The following SUSD6 variants were observed in gnomAD, a reference collection of about 807,000 sequenced individuals.
SUSD6 encodes the protein sushi domain containing 6.
SUSD6 carries 16 observed loss-of-function variants against 28.4 expected under a neutral mutation model. The observed-to-expected ratio is 0.56, with a 90% CI of 0.38 to 0.86. SUSD6 has a LOEUF of 0.86. Ranked by LOEUF, SUSD6 falls within the 40% of genes least tolerant of loss-of-function variation. The pLI is 0.00. For synonymous variants in SUSD6, 147 were observed against 159.6 expected (o/e 0.92, Z 0.59); for missense variants, 341 against 384.2 (o/e 0.89, Z 0.94).
chr14:69,644,133 G>A (rs1359139210), intron 1 of SUSD6, among the ~76,000 whole-genome samples: 2 of 152,118 alleles, frequency 1.3e-5, no homozygotes, highest in Admixed American at 6.6e-5. Flanking sequence ...TCTTAAGGGC[G>A]TATGCTTCCT....
intron 1 of SUSD6, chr14:69,617,073 A>C (rs890403168): frequency 2.0e-5 from 3 of 152,222 alleles, no homozygotes; most frequent in African/African-American, 7.2e-5. Flanking sequence ...TTCACTTAGC[A>C]TAATGTTTTT....
chr14:69,705,800 C>G (rs542682349), intron 4 of SUSD6, among the ~76,000 whole-genome samples: 1 of 152,222 alleles, frequency 6.6e-6, no homozygotes, highest in Non-Finnish European at 1.5e-5. Context: ...GCTTTAGCCA[C>G]AAGTTGTCTA....
chr14:69,620,389 A>G (rs1459785937), intron 1 of SUSD6, among the ~76,000 whole-genome samples: 3 of 152,232 alleles, frequency 2.0e-5, no homozygotes, highest in Non-Finnish European at 4.4e-5. Flanking sequence ...CAGAAACCAA[A>G]GGGAAGTAAG....
intron 2 of SUSD6, among the ~76,000 whole-genome samples, chr14:69,681,897 T>TTAAATACTG (rs1359056287): frequency 2.0e-5 from 3 of 152,194 alleles, no homozygotes; most frequent in Non-Finnish European, 4.4e-5. Context: ...GGTTACTGTG[T>TTAAATACTG]TAAATACTGT....
In SUSD6 at chr14:69,662,339, C is replaced by T. The variant is rs182728471; in HGVS notation, c.121+3626C>T. 7.2e-4 allele frequency among the ~76,000 whole-genome samples: 110 copies of T among 152,302 alleles called. 1 individual carries two copies. Among genetic ancestry groups the T allele is most frequent in the Admixed American group, 7.1e-3 (109 of 15,296 alleles). ...CCACAGTCATCATAATCTGTATCAT[C>T]TCATCATCAAATATCACAGTTTTGA... On this transcript the variant is annotated intron_variant, in intron 2 of 5. Transcript: ENST00000342745.
chr14:69,699,596 G>A (rs1010256756), intron 2 of SUSD6, among the ~76,000 whole-genome samples: 2 of 150,378 alleles, frequency 1.3e-5, no homozygotes, highest in African/African-American at 4.9e-5. Context: ...CTTTGAACCT[G>A]GAGCATCTTA....
chr14:69,616,623 CTGTT>C (rs949446444), intron 1 of SUSD6, among the ~76,000 whole-genome samples: 3 of 152,130 alleles, frequency 2.0e-5, no homozygotes, highest in African/African-American at 4.8e-5. Context: ...TCTATGCAAA[CTGTT>C]TGAAGGAAGA....
intron 2 of SUSD6, among the ~76,000 whole-genome samples, chr14:69,670,784 C>T (rs1317210636): frequency 4.6e-5 from 7 of 152,208 alleles, no homozygotes; most frequent in Admixed American, 2.6e-4. Flanking sequence ...CCCGCTGTTG[C>T]GGGGAGTCTG....
intron 1 of SUSD6, among the ~76,000 whole-genome samples, chr14:69,613,393 T>G (rs548840630): frequency 1.7e-4 from 26 of 152,346 alleles, no homozygotes; most frequent in African/African-American, 6.0e-4. Context: ...ACCTGGAGTC[T>G]TTCTAAAACC....
chr14:69,639,711 C>A (rs959737704), intron 1 of SUSD6, among the ~76,000 whole-genome samples: 4 of 152,194 alleles, frequency 2.6e-5, no homozygotes, highest in African/African-American at 9.7e-5. Context: ...TGCAGCATCA[C>A]TGATGTTGGA....
At chr14:69,644,680 T>C (rs1307134933) in intron 1 of SUSD6, among the ~76,000 whole-genome samples, 1 of 152,172 alleles carries the variant, frequency 6.6e-6, no homozygotes, top group African/African-American at 2.4e-5. Context: ...GGACGTGTCC[T>C]CATCTGATTT....
intron 1 of SUSD6, among the ~76,000 whole-genome samples, chr14:69,616,235 C>T (rs891447066): frequency 6.6e-6 from 1 of 152,172 alleles, no homozygotes; most frequent in Non-Finnish European, 1.5e-5. Flanking sequence ...AGAAGGGACA[C>T]AAATAGAGAT....
chr14:69,664,534 G>T (rs1393128202), intron 2 of SUSD6, among the ~76,000 whole-genome samples: 3 of 152,142 alleles, frequency 2.0e-5, no homozygotes, highest in Non-Finnish European at 4.4e-5. Context: ...TAGAGATTAT[G>T]GTAGGAGGCT....
At chr14:69,692,915 A>AG (rs1179355195) in intron 2 of SUSD6, among the ~76,000 whole-genome samples, 1 of 152,198 alleles carries the variant, frequency 6.6e-6, no homozygotes, top group Non-Finnish European at 1.5e-5. Context: ...GAGAGGGGAG[A>AG]GCAAACACAT....
At chr14:69,635,944 A>C (rs904018768) in intron 1 of SUSD6, among the ~76,000 whole-genome samples, 1 of 152,260 alleles carries the variant, frequency 6.6e-6, no homozygotes, top group Admixed American at 6.5e-5. Context: ...CATCACACCT[A>C]TGCTTCAGGG....
intron 3 of SUSD6, among the ~76,000 whole-genome samples, chr14:69,704,350 A>G (rs1360873471): frequency 6.6e-6 from 1 of 152,222 alleles, no homozygotes; most frequent in Non-Finnish European, 1.5e-5. Context: ...AAGTGAGTTT[A>G]TGTGTCAGAT....
At chr14:69,662,111 A>G (rs775170286) in intron 2 of SUSD6, among the ~76,000 whole-genome samples, 15 of 152,192 alleles carry the variant, frequency 9.9e-5, no homozygotes, top group Admixed American at 7.8e-4. Flanking sequence ...ACCTGTTCTT[A>G]TAGCTGCTCC....
chr14:69,636,475 G>C (rs1367051729), intron 1 of SUSD6, among the ~76,000 whole-genome samples: 1 of 152,220 alleles, frequency 6.6e-6, no homozygotes, highest in African/African-American at 2.4e-5. Flanking sequence ...AGCCTGCCTG[G>C]TTTGGCAGTA....
chr14:69,614,127 G>T (rs1245406634), intron 1 of SUSD6, among the ~76,000 whole-genome samples: 1 of 152,154 alleles, frequency 6.6e-6, no homozygotes, highest in Non-Finnish European at 1.5e-5. Flanking sequence ...GAGTGCAGTG[G>T]CACGATCTCG....
Sources: allele counts gnomAD v4.1 joint callset (sites outside exome capture counted in the v4.1 genomes callset), GRCh38; gene constraint gnomAD v4.1.1; transcripts MANE v1.5; gene names NCBI Gene and HGNC (gene_info 2026-07-23, HGNC 2026-07-21).